Variants in TAFA1 observed in about 807,000 individuals in gnomAD.
TAFA1 encodes the protein TAFA chemokine like family member 1.
A neutral mutation model predicts 18.5 loss-of-function variants in TAFA1; 4 were observed. That is an observed-to-expected ratio of 0.22 (90% CI 0.11 to 0.49). The LOEUF (loss-of-function observed/expected upper bound fraction) is 0.49, where lower values mean the gene tolerates loss of function less well. Ranked by LOEUF, TAFA1 falls within the 20% of genes least tolerant of loss-of-function variation. TAFA1 has a pLI of 0.98. For missense variants in TAFA1, 147 were observed against 169.0 expected, an observed-to-expected ratio of 0.87 and a Z score of 0.72; for synonymous variants, 56 against 55.2, an observed-to-expected ratio of 1.01 and a Z score of -0.06.
Position 68,474,207 on chromosome 3 carries a change from G to A in TAFA1, c.259+56787G>A, listed in dbSNP as rs568127740. On this transcript the variant is annotated intron_variant, in intron 3 of 4. Transcript: ENST00000478136. ...ATATACAGACAATGAAACAAAAATTGAGTAAATCAAAGTTACTAAGATTAC... is the reference window on the plus strand; with the variant it reads ...ATATACAGACAATGAAACAAAAATTAAGTAAATCAAAGTTACTAAGATTAC... Among the ~76,000 whole-genome samples the A allele has an allele frequency of 4.6e-5, 7 of 152,136 alleles. No homozygotes were observed. In the South Asian group the frequency reaches 1.5e-3, roughly 32 times the overall value.
At chr3:68,536,163 C>T (rs1483490654) in intron 3 of TAFA1, among the ~76,000 whole-genome samples, 1 of 152,136 alleles carries the variant, frequency 6.6e-6, no homozygotes, top group East Asian at 1.9e-4. Flanking sequence ...TTGAGGAACA[C>T]TGAATTCTAA....
chr3:68,519,690 G>A (rs1030244787), intron 3 of TAFA1, among the ~76,000 whole-genome samples: 1 of 152,108 alleles, frequency 6.6e-6, no homozygotes, highest in Non-Finnish European at 1.5e-5. Flanking sequence ...CCCTCTTCTG[G>A]GTTGTATACT....
chr3:68,204,551 G>A (rs193056712), intron 2 of TAFA1, among the ~76,000 whole-genome samples: 4 of 151,802 alleles, frequency 2.6e-5, no homozygotes, highest in African/African-American at 7.2e-5. Context: ...AGATAGTTCT[G>A]AATCACGTGC....
intron 2 of TAFA1, among the ~76,000 whole-genome samples, chr3:68,107,106 A>T (rs1233629052): frequency 1.3e-5 from 2 of 152,160 alleles, no homozygotes; most frequent in African/African-American, 4.8e-5. Flanking sequence ...GGAGCCAATC[A>T]TGCACATCTA....
At chr3:68,278,039 A>T (rs1178926862) in intron 2 of TAFA1, among the ~76,000 whole-genome samples, 1 of 152,124 alleles carries the variant, frequency 6.6e-6, no homozygotes, top group Admixed American at 6.6e-5. Context: ...CAAATGAGTG[A>T]CTTTTTCTGT....
At chr3:68,286,193 G>C (rs550804290) in intron 2 of TAFA1, among the ~76,000 whole-genome samples, 50 of 152,142 alleles carry the variant, frequency 3.3e-4, no homozygotes, top group Non-Finnish European at 5.1e-4. Flanking sequence ...CCTGGTGACA[G>C]AGCAAGATTC....
chr3:68,327,612 A>G (rs2106720886), intron 2 of TAFA1, among the ~76,000 whole-genome samples: 1 of 152,308 alleles, frequency 6.6e-6, no homozygotes, highest in East Asian at 1.9e-4. Flanking sequence ...CTTGCTGAGA[A>G]GATTAGATGG....
At chr3:68,487,486 A>G (rs1258206994) in intron 3 of TAFA1, among the ~76,000 whole-genome samples, 1 of 152,046 alleles carries the variant, frequency 6.6e-6, no homozygotes, top group Non-Finnish European at 1.5e-5. Flanking sequence ...GGTAGCTTAC[A>G]CCTGTAATCC....
chr3:68,012,898 G>A (rs1575573357), intron 2 of TAFA1, among the ~76,000 whole-genome samples: 1 of 152,136 alleles, frequency 6.6e-6, no homozygotes, highest in East Asian at 1.9e-4. Flanking sequence ...ATACTCCTTG[G>A]ACAAAAGTGT....
At chr3:68,380,127 A>G (rs1403063577) in intron 2 of TAFA1, among the ~76,000 whole-genome samples, 1 of 152,142 alleles carries the variant, frequency 6.6e-6, no homozygotes, top group Non-Finnish European at 1.5e-5. Context: ...ATAGTATTCC[A>G]TGGTGTATAT....
intron 2 of TAFA1, among the ~76,000 whole-genome samples, chr3:68,008,856 G>A (rs1400044214): frequency 6.6e-6 from 1 of 152,118 alleles, no homozygotes; most frequent in African/African-American, 2.4e-5. Context: ...GTCACTTAAG[G>A]TTAGTGACAT....
chr3:68,063,007 C>T (rs1408782673), intron 2 of TAFA1, among the ~76,000 whole-genome samples: 1 of 151,984 alleles, frequency 6.6e-6, no homozygotes, highest in Non-Finnish European at 1.5e-5. Context: ...AGACAGGTAA[C>T]CTAAAAAGAA....
intron 2 of TAFA1, among the ~76,000 whole-genome samples, chr3:68,295,381 A>T (rs2068188680): frequency 6.6e-6 from 1 of 151,960 alleles, no homozygotes; most frequent in African/African-American, 2.4e-5. Context: ...CAGTGCTTTT[A>T]TCTTGACTCT....
intron 2 of TAFA1, among the ~76,000 whole-genome samples, chr3:68,053,714 A>T (rs1275788622): frequency 1.3e-5 from 2 of 152,046 alleles, no homozygotes; most frequent in Non-Finnish European, 2.9e-5. Flanking sequence ...TTATTTTATT[A>T]TTTTTTAGAG....
At chr3:68,042,659 A>C (rs13327832) in intron 2 of TAFA1, among the ~76,000 whole-genome samples, 10,091 of 152,230 alleles carry the variant, frequency 0.066, 455 homozygotes, top group South Asian at 0.17. Context: ...CAAACACACA[A>C]ACAAAAACTT....
chr3:68,461,515 A>G (rs2071781594), intron 3 of TAFA1, among the ~76,000 whole-genome samples: 1 of 151,454 alleles, frequency 6.6e-6, no homozygotes, highest in African/African-American at 2.4e-5. Flanking sequence ...ATCTTAGTAG[A>G]GGTGACAAAT....
intron 3 of TAFA1, among the ~76,000 whole-genome samples, chr3:68,429,793 A>G (rs2071133079): frequency 6.6e-6 from 1 of 151,862 alleles, no homozygotes; most frequent in Non-Finnish European, 1.5e-5. Context: ...CTCAACTTAG[A>G]TCATCAATTC....
chr3:68,415,530 G>C (rs1363529632), intron 2 of TAFA1, among the ~76,000 whole-genome samples: 1 of 152,046 alleles, frequency 6.6e-6, no homozygotes, highest in Admixed American at 6.5e-5. Flanking sequence ...GAGTATTCCA[G>C]AAGAAACCAT....
At chr3:68,211,825 C>G (rs2066601006) in intron 2 of TAFA1, among the ~76,000 whole-genome samples, 1 of 152,010 alleles carries the variant, frequency 6.6e-6, no homozygotes, top group Admixed American at 6.6e-5. Context: ...TTTATGGGAA[C>G]TAACAGAGCA....
Sources: allele counts gnomAD v4.1 joint callset (sites outside exome capture counted in the v4.1 genomes callset), GRCh38; gene constraint gnomAD v4.1.1; transcripts MANE v1.5; gene names NCBI Gene and HGNC (gene_info 2026-07-23, HGNC 2026-07-21).